The following CAST variants were observed in gnomAD, a reference collection of about 807,000 sequenced individuals.
CAST encodes MIR583 host.
CAST carries 76 observed loss-of-function variants against 119.6 expected under a neutral mutation model. The observed-to-expected ratio is 0.64, with a 90% CI of 0.53 to 0.77. The LOEUF is 0.77. Among genes scored for constraint, CAST ranks in the 30% least tolerant of loss-of-function variants. The probability of loss-of-function intolerance (pLI) is 0.00; values close to 1 mark genes in which losing one functional copy is unlikely to be tolerated. For synonymous variants in CAST, 319 were observed against 331.6 expected (o/e 0.96, Z 0.41); for missense variants, 953 against 946.5 (o/e 1.01, Z -0.09).
chr5:96,108,722 C>T, the CAST span, among the ~76,000 whole-genome samples: 2 of 152,376 alleles, frequency 1.3e-5, no homozygotes, highest in East Asian at 1.9e-4. Context: ...CAGAGGCAGG[C>T]AGGCCTCCTT....
the CAST span, among the ~76,000 whole-genome samples, chr5:96,511,845 G>A: frequency 5.4e-4 from 82 of 152,136 alleles, no homozygotes; most frequent in Non-Finnish European, 8.8e-5. Context: ...CTCATCCTCC[G>A]AAGCTTGGTC....
At chr5:96,577,728 T>C (rs1174917205) in intron 1 of CAST, among the ~76,000 whole-genome samples, 1 of 152,184 alleles carries the variant, frequency 6.6e-6, no homozygotes, top group African/African-American at 2.4e-5. Context: ...GATTCTATTA[T>C]CAACATACTC....
At chr5:96,755,634 A>G (rs944557891) in intron 22 of CAST, among the ~76,000 whole-genome samples, 3 of 152,230 alleles carry the variant, frequency 2.0e-5, no homozygotes, top group Non-Finnish European at 4.4e-5. Flanking sequence ...GTATTCAACT[A>G]AACTTCATTA....
At chr5:96,746,977 G>A (rs1284765259) in intron 17 of CAST, among the ~76,000 whole-genome samples, 3 of 152,158 alleles carry the variant, frequency 2.0e-5, no homozygotes, top group Admixed American at 1.3e-4. Flanking sequence ...AAACTAAACA[G>A]TGTTATAGGA....
the CAST span, among the ~76,000 whole-genome samples, chr5:95,971,843 G>A: frequency 6.6e-6 from 1 of 152,072 alleles, no homozygotes; most frequent in South Asian, 2.1e-4. Context: ...CGGTTTAGCT[G>A]CCAGCTGAAG....
the CAST span, among the ~76,000 whole-genome samples, chr5:96,061,301 A>G: frequency 6.6e-6 from 1 of 152,156 alleles, no homozygotes; most frequent in African/African-American, 2.4e-5. Flanking sequence ...ATGACCCTGC[A>G]GCCCGAATGG....
chr5:96,005,586 T>G, the CAST span, among the ~76,000 whole-genome samples: 1 of 152,222 alleles, frequency 6.6e-6, no homozygotes, highest in Non-Finnish European at 1.5e-5. Context: ...TGAATTTGAT[T>G]ATCACCTTTT....
chr5:96,538,676 TA>T (rs36077156), intron 1 of CAST, among the ~76,000 whole-genome samples: 4 of 148,790 alleles, frequency 2.7e-5, no homozygotes, highest in African/African-American at 5.0e-5. Flanking sequence ...TTTTTTAAAT[TA>T]AAAAAAAAAC....
the CAST span, among the ~76,000 whole-genome samples, chr5:96,224,368 C>A: frequency 6.6e-6 from 1 of 152,138 alleles, no homozygotes; most frequent in East Asian, 1.9e-4. Flanking sequence ...TAAATATTAC[C>A]TTTTAAGGAA....
At chr5:96,750,498 G>A in intron 19 of CAST, 89 bp from the exon 20 acceptor site, 2 of 751,932 alleles carry the variant, frequency 2.7e-6, no homozygotes, top group African/African-American at 1.7e-5. Context: ...ACCATATAAT[G>A]TAGCGGAGTG....
At chr5:96,454,065 G>C in the CAST span, among the ~76,000 whole-genome samples, 1 of 151,716 alleles carries the variant, frequency 6.6e-6, no homozygotes, top group African/African-American at 2.4e-5. Context: ...AAAATTTTTT[G>C]TTTTGCCTAA....
intron 27 of CAST, 102 bp downstream of exon 27, chr5:96,766,247 A>G (rs1458899284): frequency 1.5e-6 from 1 of 669,194 alleles, no homozygotes; most frequent in African/African-American, 1.8e-5. Context: ...ACAATAGCAT[A>G]AAACATACCA....
the CAST span, among the ~76,000 whole-genome samples, chr5:96,212,813 C>A: frequency 6.6e-6 from 1 of 152,042 alleles, no homozygotes; most frequent in Non-Finnish European, 1.5e-5. Flanking sequence ...GGTAGAGTCA[C>A]CCTTCTAACA....
At chr5:96,584,376 A>G (rs1045529217) in intron 1 of CAST, 1 of 152,214 alleles carries the variant, frequency 6.6e-6, no homozygotes, top group Admixed American at 6.5e-5. Flanking sequence ...GTATCGGTCC[A>G]TGGCCAGGGG....
At chr5:96,157,172 C>A in the CAST span, among the ~76,000 whole-genome samples, 1 of 152,022 alleles carries the variant, frequency 6.6e-6, no homozygotes, top group Admixed American at 6.6e-5. Context: ...TTAATACAGC[C>A]CTTTGATTAA....
At chr5:96,065,045 T>C in the CAST span, among the ~76,000 whole-genome samples, 1 of 152,168 alleles carries the variant, frequency 6.6e-6, no homozygotes. Context: ...AACTGTTGCC[T>C]TCTGGTACTT....
chr5:96,386,422 A>T, the CAST span, among the ~76,000 whole-genome samples: 1 of 152,204 alleles, frequency 6.6e-6, no homozygotes, highest in Non-Finnish European at 1.5e-5. Context: ...CCAATGTGGC[A>T]TTAGGAAAGG....
At chr5:96,306,294 T>C in the CAST span, among the ~76,000 whole-genome samples, 1 of 152,254 alleles carries the variant, frequency 6.6e-6, no homozygotes, top group Non-Finnish European at 1.5e-5. Flanking sequence ...AGTGGTGATA[T>C]TCCCTTTATC....
the CAST span, among the ~76,000 whole-genome samples, chr5:96,499,079 G>C: frequency 6.7e-6 from 1 of 150,236 alleles, no homozygotes; most frequent in African/African-American, 2.4e-5. Flanking sequence ...GGCAAGCTTA[G>C]GGTTAAACAA....
Sources: gnomAD v4.1 joint callset for allele counts (sites outside exome capture counted in the v4.1 genomes callset) on GRCh38, gnomAD v4.1.1 for gene constraint, MANE v1.5 for transcripts, NCBI Gene and HGNC (gene_info 2026-07-23, HGNC 2026-07-21) for gene names.